Variants in ADAMTS7 observed in about 807,000 individuals in gnomAD.
ADAMTS7 encodes the protein ADAM metallopeptidase with thrombospondin type 1 motif 7, also known as A disintegrin and metalloproteinase with thrombospondin motifs 7.
ADAMTS7 carries 89 observed loss-of-function variants against 172.6 expected under a neutral mutation model. The ratio of observed to expected loss-of-function variants is 0.52; its 90% CI spans 0.43 to 0.61. ADAMTS7 has a LOEUF of 0.61. Ranked by LOEUF, ADAMTS7 falls within the 20% of genes least tolerant of loss-of-function variation. The probability of loss-of-function intolerance (pLI) is 0.00; values close to 1 mark genes in which losing one functional copy is unlikely to be tolerated. For missense variants in ADAMTS7, 1,973 were observed against 2,355.6 expected, an observed-to-expected ratio of 0.84 and a Z score of 3.36; for synonymous variants, 885 against 978.4, an observed-to-expected ratio of 0.90 and a Z score of 1.78.
In ADAMTS7 at chr15:78,766,542, C is replaced by G. The variant is rs747239450; in HGVS notation, c.3369G>C (p.Gly1123=). The stretch of plus-strand genomic sequence containing the variant: ...GGCTCGGGGACCAAGGTCCCAGTAC[C>G]CCCTCCTCCTTGGCTGCAGGAGGCT... ...ATEPPAAKEE[G]VLGPWSPSPW... is the part of the protein sequence containing the mutation. Residue 1123 remains glycine, a synonymous_variant, in exon 19 of 24, where the codon GGG becomes GGC. Transcript: ENST00000388820. 3 of 1,597,746 alleles carry G rather than the reference C, an allele frequency of 1.9e-6. No individual in the cohort carries two copies. Among genetic ancestry groups the G allele is most frequent in the Non-Finnish European group, 2.6e-6 (3 of 1,172,716 alleles).
intron 17 of ADAMTS7, 121 bp from the exon 18 acceptor site, chr15:78,767,713 G>A: frequency 1.1e-6 from 1 of 914,382 alleles, no homozygotes; most frequent in South Asian, 1.7e-5. Flanking sequence ...TGGGACTGAG[G>A]CCAGTGGTTG....
intron 8 of ADAMTS7, among the ~76,000 whole-genome samples, chr15:78,787,690 A>C (rs2055522842): frequency 1.3e-5 from 2 of 152,086 alleles, no homozygotes; most frequent in African/African-American, 4.8e-5. Context: ...ACAACAACAA[A>C]AACACCAGAA....
rs1449064529 is a variant in ADAMTS7 at position 78,776,963 on chromosome 15, C to A, written c.1468-122G>T. On this transcript the variant is annotated intron_variant, in intron 9 of 23. Coordinates refer to ENST00000388820, the MANE Select transcript of ADAMTS7 (RefSeq NM_014272.5). The stretch of plus-strand genomic sequence containing the variant: ...CCTCCACATGGCAGGGGCCCACAGA[C>A]CCCCAGAGGTTCCTTCTTGTGTGCC... 7.9e-6 allele frequency: 6 copies of A among 760,508 alleles called. No individual in the cohort carries two copies. In the East Asian group the frequency reaches 1.6e-4, roughly 21 times the overall value. 47.1% of individuals were successfully genotyped at this position (760,508 alleles called of 1,614,324 possible).
chr15:78,793,757 G>A (rs2904228), intron 4 of ADAMTS7, among the ~76,000 whole-genome samples: 28,194 of 152,104 alleles, frequency 0.19, 3,097 homozygotes, highest in Non-Finnish European at 0.26. Flanking sequence ...ATCTGATCCC[G>A]AGGGAACATC....
chr15:78,794,719 T>C (rs1427380200), intron 4 of ADAMTS7, among the ~76,000 whole-genome samples: 3 of 152,054 alleles, frequency 2.0e-5, no homozygotes, highest in Non-Finnish European at 2.9e-5. Flanking sequence ...TTTTTTGTTT[T>C]TGTTTTTGTT....
intron 2 of ADAMTS7, among the ~76,000 whole-genome samples, chr15:78,798,757 T>C (rs2055679737): frequency 6.6e-6 from 1 of 152,080 alleles, no homozygotes; most frequent in African/African-American, 2.4e-5. Flanking sequence ...CTGGGAAGCA[T>C]CTTTGATGCC....
Position 78,760,830 on chromosome 15 carries a change from C to G in ADAMTS7, c.4904-1252G>C, listed in dbSNP as rs551955776. 1.4e-4 allele frequency among the ~76,000 whole-genome samples: 21 copies of G among 152,242 alleles called. No homozygotes were observed. The South Asian group carries it at 3.3e-3, about 24-fold the overall frequency. On this transcript the variant is annotated intron_variant, in intron 23 of 23. Coordinates refer to ENST00000388820, the MANE Select transcript of ADAMTS7 (RefSeq NM_014272.5). ...GCTTCTAGTTCAGCCACCTAACCAG[C>G]CCCCATAGCCCACTCCCTGCAGCCC...
intron 14 of ADAMTS7, among the ~76,000 whole-genome samples, chr15:78,772,868 G>A (rs554065716): frequency 6.6e-6 from 1 of 152,252 alleles, no homozygotes; most frequent in African/African-American, 2.4e-5. Flanking sequence ...TATCTGGGGT[G>A]TCTGGGACAG....
At position 78,801,907 on chromosome 15, in the gene ADAMTS7, TCAAA is replaced by T. The variant is rs2055730271; in HGVS notation, c.101-1364_101-1361del. Among the ~76,000 whole-genome samples the T allele has an allele frequency of 5.3e-5, 8 of 152,206 alleles. No individual in the cohort carries two copies. In the South Asian group the frequency reaches 1.7e-3, roughly 32 times the overall value. The stretch of plus-strand genomic sequence containing the variant: ...TCTCACTATGTTACCCAGGCTGGTC[TCAAA>T]CAAACTCCTGGGCTCAAGTGATCCT... On this transcript the variant is annotated intron_variant, in intron 1 of 23. Transcript: ENST00000388820.
In ADAMTS7 at chr15:78,763,958, A is replaced by T; in HGVS notation, c.4561T>A (p.Cys1521Ser). Residue 1521 changes from cysteine to serine, a missense_variant, in exon 21 of 24, where the codon TGC becomes AGC. Cys to Ser is a moderately radical substitution (Grantham distance 112). This residue lies in a region of ADAMTS7 where 218 missense variants were observed against 216.9 expected (regional missense o/e 1.01). Coordinates refer to ENST00000388820, the MANE Select transcript of ADAMTS7 (RefSeq NM_014272.5). ...CAGGAAGATGTGTACCAGCTGAGGCAGGGCTGGGCCCCGCAGGGCCGGTGC... is the reference window on the plus strand; with the variant it reads ...CAGGAAGATGTGTACCAGCTGAGGCTGGGCTGGGCCCCGCAGGGCCGGTGC... ...PAHRPCGAQP[C>S]LSWYTSSWRE... 1 of 1,547,226 alleles carries T rather than the reference A, an allele frequency of 6.5e-7. No individual in the cohort carries two copies. The highest frequency in any genetic ancestry group is 8.7e-7 in the Non-Finnish European group (1 of 1,145,530).
intron 14 of ADAMTS7, among the ~76,000 whole-genome samples, chr15:78,772,476 T>C (rs1257481846): frequency 6.6e-6 from 1 of 152,240 alleles, no homozygotes; most frequent in Non-Finnish European, 1.5e-5. Context: ...CCTTCCCTTC[T>C]TGCCTCCAGG....
In ADAMTS7 at chr15:78,771,939, C is replaced by G; in HGVS notation, c.2132-110G>C. On this transcript the variant is annotated intron_variant, in intron 14 of 23. Coordinates refer to ENST00000388820, the MANE Select transcript of ADAMTS7 (RefSeq NM_014272.5). The surrounding 1 kb of genome is among the most constrained non-coding windows in gnomAD (Gnocchi z 4.9). The stretch of plus-strand genomic sequence containing the variant: ...TTGCCTCCGCCTGCTGATGCCAAAG[C>G]TTTAAAGTCTGAGCTCCCTAAATTG... 6.8e-7 allele frequency: 1 copy of G among 1,460,360 alleles called. No individual in the cohort carries two copies. Among genetic ancestry groups the G allele is most frequent in the Non-Finnish European group, 9.1e-7 (1 of 1,093,248 alleles). 90.5% of individuals were successfully genotyped at this position (1,460,360 alleles called of 1,614,324 possible). A position where few individuals can be genotyped will look rare whatever the true frequency, so the allele number is the denominator to read the frequency against.
At chr15:78,796,191 G>A (rs961949600) in intron 4 of ADAMTS7, among the ~76,000 whole-genome samples, 17 of 152,300 alleles carry the variant, frequency 1.1e-4, no homozygotes, top group Admixed American at 1.3e-4. Context: ...AGTGTAGTCT[G>A]ATCAGGCATT....
At chr15:78,767,236 C>T (rs2055171405) in intron 18 of ADAMTS7, 143 bp downstream of exon 18, 1 of 1,225,480 alleles carries the variant, frequency 8.2e-7, no homozygotes, top group South Asian at 1.5e-5. Context: ...TTCCTGATCC[C>T]TGAGGCTTTA....
At chr15:78,785,376 C>T (rs543888590) in intron 8 of ADAMTS7, among the ~76,000 whole-genome samples, 8 of 151,888 alleles carry the variant, frequency 5.3e-5, no homozygotes, top group Non-Finnish European at 7.4e-5. Flanking sequence ...ATGGAAACCC[C>T]ATCTCTACTA....
In ADAMTS7 at chr15:78,785,563, A is replaced by C. The variant is rs571912871; in HGVS notation, c.1322+2668T>G. Among the ~76,000 whole-genome samples the C allele has an allele frequency of 1.4e-3, 215 of 148,732 alleles. 1 individual carries two copies. In the South Asian group the frequency reaches 0.018, roughly 13 times the overall value. The stretch of plus-strand genomic sequence containing the variant: ...GAGTCTCTCAAAAAAAAAAAAAAAA[A>C]GAAAAGAAAGAAAGAAATGCCATCT... On this transcript the variant is annotated intron_variant, in intron 8 of 23. Coordinates refer to ENST00000388820, the MANE Select transcript of ADAMTS7 (RefSeq NM_014272.5).
chr15:78,768,614 C>T (rs1229221834), intron 16 of ADAMTS7, among the ~76,000 whole-genome samples: 1 of 152,222 alleles, frequency 6.6e-6, no homozygotes, highest in East Asian at 1.9e-4. Flanking sequence ...AGCAACAATC[C>T]TGCCTCCTCC....
chr15:78,810,918 G>T, intron 1 of ADAMTS7: 1 of 468,444 alleles, frequency 2.1e-6, no homozygotes, highest in Non-Finnish European at 3.4e-6. Context: ...GGCCGAGGAA[G>T]TTTCCCCAGA....
rs932689389 is a variant in ADAMTS7 at position 78,811,252 on chromosome 15, G to T, written c.-32C>A. ...AACCGGGCGGCCGCCGGGTGACCCC[G>T]CGCGCACGCTCTCGTCCGTCCCGTC... On this transcript the variant is annotated 5_prime_UTR_variant, in exon 1 of 24. Transcript: ENST00000388820. 28 of 1,223,584 alleles carry T rather than the reference G, an allele frequency of 2.3e-5. No homozygotes were observed. In the East Asian group the frequency reaches 9.0e-4, roughly 39 times the overall value. The allele number at this position is 1,223,584 out of a possible 1,614,324, so 75.8% of individuals were successfully genotyped here. A position where few individuals can be genotyped will look rare whatever the true frequency, so the allele number is the denominator to read the frequency against.
Sources: allele counts gnomAD v4.1 joint callset (sites outside exome capture counted in the v4.1 genomes callset), GRCh38; gene constraint gnomAD v4.1.1; regional missense constraint gnomAD v4.1.1; non-coding constraint Gnocchi (gnomAD v3.1); transcripts MANE v1.5; gene names NCBI Gene and HGNC (gene_info 2026-07-23, HGNC 2026-07-21).